The following LAMA1 variants were observed in gnomAD, a reference collection of about 807,000 sequenced individuals.
The protein encoded by LAMA1 is laminin subunit alpha 1, also known as laminin subunit alpha-1.
A neutral mutation model predicts 348.7 loss-of-function variants in LAMA1; 219 were observed. The observed-to-expected ratio is 0.63, with a 90% CI of 0.56 to 0.70. The LOEUF is 0.70. Ranked by LOEUF, LAMA1 falls within the 30% of genes least tolerant of loss-of-function variation. The probability of loss-of-function intolerance (pLI) is 0.00; values close to 1 mark genes in which losing one functional copy is unlikely to be tolerated. For synonymous variants in LAMA1, 1,487 were observed against 1,491.0 expected (o/e 1.00, Z 0.06); for missense variants, 3,744 against 3,888.0 (o/e 0.96, Z 0.99).
intron 3 of LAMA1, among the ~76,000 whole-genome samples, chr18:7,069,160 T>G (rs1209647817): frequency 6.6e-6 from 1 of 152,232 alleles, no homozygotes; most frequent in Non-Finnish European, 1.5e-5. Context: ...ATGGTTATCC[T>G]GGACTGTTTG....
chr18:7,021,847 T>TTATATTATA (rs2057918856), intron 19 of LAMA1, among the ~76,000 whole-genome samples: 1 of 61,732 alleles, frequency 1.6e-5, no homozygotes, highest in African/African-American at 1.3e-4. Context: ...ATATATTATA[T>TTATATTATA]TATATTATAT....
At position 6,943,241 on chromosome 18, in the gene LAMA1, A is replaced by T; in HGVS notation, c.9006T>A (p.Ser3002Arg). ...CCACTGAGGTAGACTGGGTGTGTGGACTTTCAGCGCCAACTGCGTTCCCGT... is the reference window on the plus strand; with the variant it reads ...CCACTGAGGTAGACTGGGTGTGTGGTCTTTCAGCGCCAACTGCGTTCCCGT... ...IVDGNAVGAE[S>R]PHTQSTSVDT... Residue 3002 changes from serine to arginine, a missense_variant, in exon 62 of 63, where the codon AGT becomes AGA. By Grantham distance (110) the Ser-to-Arg change is moderately radical (BLOSUM62 -1). This residue lies in a region of LAMA1 where 232 missense variants were observed against 264.4 expected (regional missense o/e 0.88). Coordinates refer to ENST00000389658, the MANE Select transcript of LAMA1 (RefSeq NM_005559.4). 1 of 1,614,188 alleles carries T rather than the reference A, an allele frequency of 6.2e-7. No homozygotes were observed. The highest frequency in any genetic ancestry group is 8.5e-7 in the Non-Finnish European group (1 of 1,180,036).
At chr18:7,017,471 T>C in intron 19 of LAMA1, 87 bp from the exon 20 acceptor site, 1 of 839,910 alleles carries the variant, frequency 1.2e-6, no homozygotes, top group East Asian at 2.6e-5. Flanking sequence ...AAAAAAAAAA[T>C]GTAAACTTTC....
At chr18:7,110,787 C>T (rs560523718) in intron 1 of LAMA1, among the ~76,000 whole-genome samples, 36 of 152,108 alleles carry the variant, frequency 2.4e-4, no homozygotes, top group African/African-American at 7.7e-4. Flanking sequence ...AGCCACTGCA[C>T]GCCAGCCTGG....
intron 3 of LAMA1, among the ~76,000 whole-genome samples, chr18:7,078,162 T>G (rs542146336): frequency 2.7e-5 from 4 of 150,824 alleles, no homozygotes; most frequent in Non-Finnish European, 5.9e-5. Context: ...TTTTATTTTA[T>G]TTTATTTTAT....
chr18:7,012,163 C>T (rs751582140), intron 23 of LAMA1, 25 bp from the exon 24 acceptor site: 13 of 1,612,338 alleles, frequency 8.1e-6, no homozygotes, highest in South Asian at 4.4e-5. Flanking sequence ...ATAAAGGACT[C>T]GTTTTTGCCT....
chr18:6,991,911 G>A (rs1029223060), intron 36 of LAMA1, among the ~76,000 whole-genome samples: 8 of 152,096 alleles, frequency 5.3e-5, no homozygotes, highest in African/African-American at 1.7e-4. Flanking sequence ...AGATAGTAAC[G>A]TCCAGAGTAG....
At position 7,034,662 on chromosome 18, in the gene LAMA1, G is replaced by C; in HGVS notation, c.1868C>G (p.Ala623Gly). 6.2e-7 allele frequency: 1 copy of C among 1,614,118 alleles called. No homozygotes were observed. The highest frequency in any genetic ancestry group is 2.2e-5 in the East Asian group (1 of 44,878). The change falls in exon 14 of 63, where the codon GCT becomes GGT. Residue 623 changes from alanine (A) to glycine (G), a missense_variant. Physicochemically the swap from Ala to Gly is moderately conservative, Grantham distance 60 (BLOSUM62 0). Transcript: ENST00000389658. Reference protein sequence around the residue: ...KGNGLTLSTQAEGLSLQPYEE... With the variant: ...KGNGLTLSTQGEGLSLQPYEE... ...ATAAGGCTGCAATGACAGACCCTCA[G>C]CCTGTGTGCTTAAAGTGAGTCCGTT...
intron 36 of LAMA1, among the ~76,000 whole-genome samples, 188 bp downstream of exon 36, chr18:6,992,373 C>G (rs574039423): frequency 6.6e-6 from 1 of 152,306 alleles, no homozygotes; most frequent in South Asian, 2.1e-4. Flanking sequence ...ACAGATTACA[C>G]CTTTCTATAT....
chr18:6,968,371 T>C (rs1038891578), intron 48 of LAMA1, among the ~76,000 whole-genome samples: 21 of 152,210 alleles, frequency 1.4e-4, no homozygotes, highest in South Asian at 4.1e-4. Flanking sequence ...GGGCATGAGA[T>C]AACCCTGGCC....
chr18:7,094,481 G>C (rs2058252777), intron 1 of LAMA1, among the ~76,000 whole-genome samples: 1 of 147,112 alleles, frequency 6.8e-6, no homozygotes, highest in Non-Finnish European at 1.5e-5. Flanking sequence ...CTTTTTTCCA[G>C]CTCAAACACC....
chr18:6,997,872 T>G lies in LAMA1; in HGVS notation c.4676A>C (p.Glu1559Ala). Residue 1559 changes from glutamate to alanine, a missense_variant, in exon 33 of 63, where the codon GAG (glutamate) becomes GCG (alanine). Around this residue, in one of 3 missense-constraint regions of LAMA1, gnomAD observed 1,983 missense variants for 1,934.3 expected, o/e 1.03. Coordinates refer to ENST00000389658, the MANE Select transcript of LAMA1 (RefSeq NM_005559.4). ...GTCATTCAGCAGCACACCTACACACTCATCATCACAGGCTACAAGACAAAT... is the reference window on the plus strand; with the variant it reads ...GTCATTCAGCAGCACACCTACACACGCATCATCACAGGCTACAAGACAAAT... Reference protein sequence around the residue: ...METDCVSCDDECVGVLLNDLD... With the variant: ...METDCVSCDDACVGVLLNDLD... The G allele has an allele frequency of 6.2e-7, 1 of 1,614,074 alleles. No individual in the cohort carries two copies. The highest frequency in any genetic ancestry group is 8.5e-7 in the Non-Finnish European group (1 of 1,179,972).
At chr18:6,995,649 T>C (rs1257728504) in intron 33 of LAMA1, among the ~76,000 whole-genome samples, 2 of 152,200 alleles carry the variant, frequency 1.3e-5, no homozygotes, top group Non-Finnish European at 2.9e-5. Context: ...TTGCATTATA[T>C]TTCTGATATA....
Position 7,015,710 on chromosome 18 carries a change from G to T in LAMA1, c.3126+12C>A. The T allele has an allele frequency of 6.2e-7, 1 of 1,613,264 alleles. No homozygotes were observed. The highest frequency in any genetic ancestry group is 1.1e-5 in the South Asian group (1 of 91,024). ...CTCTCAGTTAAGCAAGAGCGTGGAT[G>T]ACAGTGCTCACCTGGCACCCCACCT... On this transcript the variant is annotated intron_variant, in intron 22 of 62. Transcript: ENST00000389658.
intron 57 of LAMA1, among the ~76,000 whole-genome samples, chr18:6,951,523 T>G (rs573280954): frequency 6.6e-6 from 1 of 152,284 alleles, no homozygotes; most frequent in Non-Finnish European, 1.5e-5. Context: ...CAGATGTGGC[T>G]CCAACATAGG....
Position 6,956,778 on chromosome 18 carries a change from AAG to A in LAMA1, c.7965-15_7965-14del, listed in dbSNP as rs1306711130. ...GAAATCCAAAAGTCTAGGTAGAAAC[AAG>A]AGAGTGTTTTCAAAATTAGGATATC... On this transcript the variant is annotated splice_polypyrimidine_tract_variant and intron_variant, in intron 55 of 62. Coordinates refer to ENST00000389658, the MANE Select transcript of LAMA1 (RefSeq NM_005559.4). The A allele has an allele frequency of 6.2e-7, 1 of 1,614,110 alleles. No individual in the cohort carries two copies. The highest frequency in any genetic ancestry group is 1.1e-5 in the South Asian group (1 of 91,082).
chr18:6,963,839 C>T (rs1186699108), intron 51 of LAMA1: 9 of 152,148 alleles, frequency 5.9e-5, no homozygotes, highest in Non-Finnish European at 1.3e-4. Flanking sequence ...CACAAAGTTT[C>T]TGTAAATCAT....
chr18:7,038,604 T>C (rs765370608), intron 11 of LAMA1: 56 of 679,570 alleles, frequency 8.2e-5, no homozygotes, highest in Non-Finnish European at 1.3e-4. Context: ...GTTTTTTCCA[T>C]AGAGAAATGT....
intron 19 of LAMA1, among the ~76,000 whole-genome samples, chr18:7,021,842 T>TAATA (rs1464512885): frequency 0.021 from 1,312 of 62,422 alleles, 28 homozygotes; most frequent in African/African-American, 0.13. Flanking sequence ...TAATAATATA[T>TAATA]TATATTATAT....
Sources: allele counts gnomAD v4.1 joint callset (sites outside exome capture counted in the v4.1 genomes callset), GRCh38; gene constraint gnomAD v4.1.1; regional missense constraint gnomAD v4.1.1; transcripts MANE v1.5; gene names NCBI Gene and HGNC (gene_info 2026-07-23, HGNC 2026-07-21).